Variants in NRG1 observed in about 807,000 individuals in gnomAD.
The protein encoded by NRG1 is pro-neuregulin-1, membrane-bound isoform.
Under a neutral mutation model 63.8 loss-of-function variants are expected in NRG1, and 18 were observed. The ratio of observed to expected loss-of-function variants is 0.28; its 90% CI spans 0.19 to 0.42. The LOEUF (loss-of-function observed/expected upper bound fraction) is 0.42. NRG1 is among the 10% of genes least tolerant of loss of function. The pLI is 1.00. For synonymous variants in NRG1, 302 were observed against 301.3 expected (o/e 1.00, Z -0.02); for missense variants, 762 against 814.7 (o/e 0.94, Z 0.79).
chr8:32,658,251 G>C (rs1017621503), intron 5 of NRG1, among the ~76,000 whole-genome samples: 9 of 152,246 alleles, frequency 5.9e-5, no homozygotes, highest in African/African-American at 2.2e-4. Context: ...CTTCAAGATT[G>C]CTGAGTTTTC....
intron 1 of NRG1, among the ~76,000 whole-genome samples, chr8:32,359,461 T>A (rs1806932807): frequency 6.6e-6 from 1 of 152,176 alleles, no homozygotes; most frequent in Admixed American, 6.6e-5. Context: ...TGAGAAGTCC[T>A]TGAGTTCCAA....
rs1818066257 is a variant in NRG1 at position 31,766,424 on chromosome 8, G to C, written c.37+126993G>C. The stretch of plus-strand genomic sequence containing the variant: ...GAGAAAAGTGTATATGTTTTGGGGT[G>C]GGATTAAGAGAAACAGAGAAACCAA... On this transcript the variant is annotated intron_variant, in intron 1 of 10. Transcript: ENST00000519301. Among the ~76,000 whole-genome samples, 6 of 152,244 alleles carry C rather than the reference G, an allele frequency of 3.9e-5. No homozygotes were observed. In the South Asian group the frequency reaches 1.2e-3, roughly 32 times the overall value.
At chr8:31,982,927 T>C (rs1227468967) in intron 1 of NRG1, among the ~76,000 whole-genome samples, 2 of 152,142 alleles carry the variant, frequency 1.3e-5, no homozygotes, top group African/African-American at 2.4e-5. Context: ...GCCAGTTTTA[T>C]GCTGGCAGGG....
chr8:32,344,366 C>CTTTCTTTT (rs1804505721), intron 1 of NRG1, among the ~76,000 whole-genome samples: 1 of 53,360 alleles, frequency 1.9e-5, no homozygotes, highest in African/African-American at 6.4e-5. Context: ...TTCTTTCTTT[C>CTTTCTTTT]TTTCTTTCTT....
chr8:32,573,236 A>C (rs991701272), intron 1 of NRG1, among the ~76,000 whole-genome samples: 3 of 152,260 alleles, frequency 2.0e-5, no homozygotes, highest in Non-Finnish European at 4.4e-5. Flanking sequence ...ATGAAATTCT[A>C]CAGATGTTCC....
At chr8:32,157,906 C>A (rs1445500086) in intron 1 of NRG1, among the ~76,000 whole-genome samples, 2 of 152,068 alleles carry the variant, frequency 1.3e-5, no homozygotes, top group Non-Finnish European at 2.9e-5. Context: ...AACGGCACGG[C>A]TTCTTTCTCA....
intron 1 of NRG1, among the ~76,000 whole-genome samples, chr8:32,166,871 T>G (rs902781671): frequency 4.6e-5 from 7 of 152,180 alleles, no homozygotes; most frequent in Non-Finnish European, 7.3e-5. Context: ...AGGCTGCAAC[T>G]GATGGAATAA....
chr8:32,489,887 C>T (rs1377128706), intron 1 of NRG1, among the ~76,000 whole-genome samples: 4 of 152,194 alleles, frequency 2.6e-5, no homozygotes, highest in South Asian at 4.1e-4. Flanking sequence ...GGTCCTCCCT[C>T]ATTATTCTTT....
chr8:31,992,108 G>A (rs1453263209), intron 1 of NRG1, among the ~76,000 whole-genome samples: 1 of 151,874 alleles, frequency 6.6e-6, no homozygotes, highest in Non-Finnish European at 1.5e-5. Context: ...GCTGAGGTGA[G>A]AGGATTGCTT....
At chr8:32,002,039 C>A (rs1360259611) in intron 1 of NRG1, among the ~76,000 whole-genome samples, 1 of 151,584 alleles carries the variant, frequency 6.6e-6, no homozygotes, top group African/African-American at 2.4e-5. Context: ...ATTTTTTTTT[C>A]TTGAGATGAA....
At chr8:32,398,127 A>T (rs1225168402) in intron 1 of NRG1, among the ~76,000 whole-genome samples, 2 of 152,210 alleles carry the variant, frequency 1.3e-5, no homozygotes, top group African/African-American at 2.4e-5. Context: ...ATTTCACAGA[A>T]TTTCCTTTAG....
At chr8:32,074,954 T>C (rs1304494833) in intron 1 of NRG1, among the ~76,000 whole-genome samples, 2 of 152,272 alleles carry the variant, frequency 1.3e-5, no homozygotes, top group Non-Finnish European at 2.9e-5. Flanking sequence ...TCAGATTGCC[T>C]GAGTTCATAT....
rs142237653 is a variant in NRG1, at chr8:32,267,869, C to T, written c.38-327959C>T. Among the ~76,000 whole-genome samples, 24 of 152,268 alleles carry T rather than the reference C, an allele frequency of 1.6e-4. No homozygotes were observed. In the East Asian group the frequency reaches 4.6e-3, roughly 29 times the overall value. Reference sequence around the variant, plus strand: ...GGAATTTTGGGTGACAGTTTAAGATCAGCGTTTACTATAATGGGCAGACTT... The same window carrying T: ...GGAATTTTGGGTGACAGTTTAAGATTAGCGTTTACTATAATGGGCAGACTT... On this transcript the variant is annotated intron_variant, in intron 1 of 10. Coordinates refer to the NRG1 transcript ENST00000519301.
At chr8:32,503,736 GAAGA>G (rs1828166665) in intron 1 of NRG1, among the ~76,000 whole-genome samples, 1 of 152,150 alleles carries the variant, frequency 6.6e-6, no homozygotes, top group Admixed American at 6.5e-5. Context: ...TGCCTCCTTA[GAAGA>G]AAGAGTTCAG....
At chr8:32,422,708 A>G (rs1336251433) in intron 1 of NRG1, among the ~76,000 whole-genome samples, 4 of 152,202 alleles carry the variant, frequency 2.6e-5, no homozygotes, top group Admixed American at 6.5e-5. Context: ...AACCTTGCCA[A>G]CGTTGGGTAT....
chr8:31,731,385 A>G (rs1366111982), intron 1 of NRG1, among the ~76,000 whole-genome samples: 1 of 151,040 alleles, frequency 6.6e-6, no homozygotes, highest in African/African-American at 2.4e-5. Flanking sequence ...CCTTGAGGTA[A>G]AGTTTTAAAA....
In NRG1 at chr8:31,727,247, G is replaced by C. The variant is rs150926225; in HGVS notation, c.37+87816G>C. Among the ~76,000 whole-genome samples the C allele has an allele frequency of 3.6e-3, 555 of 152,224 alleles. 5 individuals are homozygous for C. Among genetic ancestry groups the C allele is most frequent in the African/African-American group, 0.013 (526 of 41,534 alleles). On this transcript the variant is annotated intron_variant, in intron 1 of 10. Coordinates refer to the NRG1 transcript ENST00000519301. ...CAAAACAGGAGGGTATGTGGTATGT[G>C]CATGTTTCCAGGTTTTAAAAAAGCT...
chr8:31,871,417 C>G (rs1431665073), intron 1 of NRG1, among the ~76,000 whole-genome samples: 1 of 152,036 alleles, frequency 6.6e-6, no homozygotes, highest in Non-Finnish European at 1.5e-5. Context: ...CCACTGCCCT[C>G]CCTTAGTCTC....
intron 1 of NRG1, among the ~76,000 whole-genome samples, chr8:31,696,740 GT>G (rs957151283): frequency 6.6e-6 from 1 of 152,180 alleles, no homozygotes; most frequent in Non-Finnish European, 1.5e-5. Flanking sequence ...AACCTGAGCA[GT>G]TGTGCAACAT....
Sources: gnomAD v4.1 joint callset for allele counts (sites outside exome capture counted in the v4.1 genomes callset) on GRCh38, gnomAD v4.1.1 for gene constraint, MANE v1.5 for transcripts, NCBI Gene and HGNC (gene_info 2026-07-23, HGNC 2026-07-21) for gene names.